Variants in CADM2 observed in about 807,000 individuals in gnomAD.
CADM2 encodes immunoglobulin superfamily member 4D.
In CADM2, 12 loss-of-function variants were observed where a neutral mutation model predicts 49.8. That is an observed-to-expected ratio of 0.24 (90% CI 0.15 to 0.39). The LOEUF (loss-of-function observed/expected upper bound fraction) is 0.39, where lower values mean the gene tolerates loss of function less well. Ranked by LOEUF, CADM2 falls within the 10% of genes least tolerant of loss-of-function variation. The pLI is 1.00. For synonymous variants in CADM2, 214 were observed against 175.4 expected (o/e 1.22, Z -1.74); for missense variants, 378 against 492.3 (o/e 0.77, Z 2.20).
At chr3:85,551,579 CTT>C (rs1459905846) in intron 1 of CADM2, among the ~76,000 whole-genome samples, 1 of 152,014 alleles carries the variant, frequency 6.6e-6, no homozygotes, top group East Asian at 1.9e-4. Context: ...GATATTTTGT[CTT>C]TTCAAAAATC....
At chr3:85,780,378 G>T (rs1322727258) in intron 2 of CADM2, among the ~76,000 whole-genome samples, 1 of 152,168 alleles carries the variant, frequency 6.6e-6, no homozygotes, top group Non-Finnish European at 1.5e-5. Context: ...AAACATTCAT[G>T]AAATAATTGT....
intron 8 of CADM2, among the ~76,000 whole-genome samples, chr3:86,055,333 G>T (rs1462873331): frequency 6.6e-6 from 1 of 151,934 alleles, no homozygotes; most frequent in Non-Finnish European, 1.5e-5. Context: ...TGATATCAAG[G>T]TGCAGGCAGA....
At chr3:85,034,020 G>A (rs369416672) in intron 1 of CADM2, among the ~76,000 whole-genome samples, 8 of 151,980 alleles carry the variant, frequency 5.3e-5, no homozygotes, top group South Asian at 2.1e-4. Context: ...TATTTATGGA[G>A]TACAATGAGA....
At chr3:85,647,553 CAT>C (rs2064924219) in intron 1 of CADM2, among the ~76,000 whole-genome samples, 1 of 151,598 alleles carries the variant, frequency 6.6e-6, no homozygotes, top group Admixed American at 6.6e-5. Flanking sequence ...AATTTTTTTG[CAT>C]AGAGAGTGTT....
chr3:85,649,143 T>C (rs1304280498), intron 1 of CADM2, among the ~76,000 whole-genome samples: 2 of 152,132 alleles, frequency 1.3e-5, no homozygotes, highest in Non-Finnish European at 2.9e-5. Flanking sequence ...ATGAATACTT[T>C]GCAAAAAGAG....
intron 2 of CADM2, among the ~76,000 whole-genome samples, chr3:85,736,365 T>C (rs1006603838): frequency 6.6e-6 from 1 of 152,102 alleles, no homozygotes; most frequent in Non-Finnish European, 1.5e-5. Flanking sequence ...TACAATAAGA[T>C]TCAACTACAG....
intron 1 of CADM2, among the ~76,000 whole-genome samples, chr3:85,284,051 T>C (rs1007604279): frequency 2.0e-5 from 3 of 152,274 alleles, no homozygotes; most frequent in African/African-American, 7.2e-5. Flanking sequence ...AATTGAACTT[T>C]ATAGACTAAG....
intron 1 of CADM2, among the ~76,000 whole-genome samples, chr3:85,593,547 T>C (rs2063165787): frequency 1.3e-5 from 2 of 152,046 alleles, no homozygotes; most frequent in South Asian, 4.1e-4. Flanking sequence ...AACTAAAGAA[T>C]TGTTCCTAGT....
chr3:85,234,531 T>C (rs576260527), intron 1 of CADM2, among the ~76,000 whole-genome samples: 1 of 152,280 alleles, frequency 6.6e-6, no homozygotes, highest in South Asian at 2.1e-4. Context: ...CTGTAAAATA[T>C]AAAACTATCA....
chr3:85,526,159 A>G (rs1473869628), intron 1 of CADM2, among the ~76,000 whole-genome samples: 1 of 151,970 alleles, frequency 6.6e-6, no homozygotes. Flanking sequence ...TGGAAATTTT[A>G]TACCTCATCC....
intron 1 of CADM2, among the ~76,000 whole-genome samples, chr3:85,451,096 T>A (rs1466820523): frequency 6.6e-6 from 1 of 152,096 alleles, no homozygotes; most frequent in Non-Finnish European, 1.5e-5. Context: ...TTGAAGCTCA[T>A]GATTCTAATT....
At chr3:85,992,744 T>C (rs1728938785) in intron 8 of CADM2, 1 of 152,210 alleles carries the variant, frequency 6.6e-6, no homozygotes, top group African/African-American at 2.4e-5. Context: ...GTCTGAGTCT[T>C]CAGTGAGTTG....
At chr3:85,927,926 A>C (rs893390850) in intron 6 of CADM2, among the ~76,000 whole-genome samples, 1 of 152,136 alleles carries the variant, frequency 6.6e-6, no homozygotes, top group African/African-American at 2.4e-5. Context: ...TGTTAAGCCA[A>C]TGACGCTAAA....
chr3:85,426,964 T>C (rs2036434783), intron 1 of CADM2, among the ~76,000 whole-genome samples: 1 of 151,754 alleles, frequency 6.6e-6, no homozygotes, highest in African/African-American at 2.4e-5. Context: ...CACTCTAAAC[T>C]CCACCTCCTG....
At chr3:85,947,139 A>G (rs1722825282) in intron 7 of CADM2, among the ~76,000 whole-genome samples, 2 of 152,098 alleles carry the variant, frequency 1.3e-5, no homozygotes, top group Non-Finnish European at 2.9e-5. Flanking sequence ...GACGAAGGAT[A>G]TGAACAGACA....
intron 1 of CADM2, among the ~76,000 whole-genome samples, chr3:85,153,368 C>G (rs1170300407): frequency 1.3e-5 from 2 of 152,222 alleles, no homozygotes; most frequent in African/African-American, 4.8e-5. Context: ...GAATACTGCA[C>G]TTTTCTGATG....
intron 8 of CADM2, among the ~76,000 whole-genome samples, chr3:86,044,238 G>T (rs571403800): frequency 8.0e-4 from 122 of 152,246 alleles, no homozygotes; most frequent in African/African-American, 2.8e-3. Flanking sequence ...AAGAGCTTCT[G>T]CACAGCAAAA....
chr3:85,509,594 T>C lies in CADM2; in HGVS notation c.62-216928T>C, dbSNP rs563662024. On this transcript the variant is annotated intron_variant, in intron 1 of 9. Transcript: ENST00000383699. Reference sequence around the variant, plus strand: ...CATGTCTGTAATATAAATTTAATTATGGTTTCCATCCATGAGGGCAGTGAT... The same window carrying C: ...CATGTCTGTAATATAAATTTAATTACGGTTTCCATCCATGAGGGCAGTGAT... 7.2e-5 allele frequency among the ~76,000 whole-genome samples: 11 copies of C among 152,270 alleles called. 1 individual carries two copies. The highest frequency in any genetic ancestry group is 2.4e-4 in the African/African-American group (10 of 41,582).
chr3:85,012,049 T>C (rs1272842406), intron 1 of CADM2, among the ~76,000 whole-genome samples: 1 of 151,682 alleles, frequency 6.6e-6, no homozygotes, highest in Non-Finnish European at 1.5e-5. Flanking sequence ...AGTTTAGCCA[T>C]TGAGATATAA....
Sources: gnomAD v4.1 joint callset for allele counts (sites outside exome capture counted in the v4.1 genomes callset) on GRCh38, gnomAD v4.1.1 for gene constraint, MANE v1.5 for transcripts, NCBI Gene and HGNC (gene_info 2026-07-23, HGNC 2026-07-21) for gene names.